The following STK32B variants were observed in gnomAD, a reference collection of about 807,000 sequenced individuals.
STK32B encodes the protein serine/threonine-protein kinase 32B.
A neutral mutation model predicts 52.6 loss-of-function variants in STK32B; 43 were observed. That is an observed-to-expected ratio of 0.82 (90% CI 0.64 to 1.05). The LOEUF is 1.05. STK32B is among the 50% of genes least tolerant of loss of function. STK32B has a pLI of 0.00. For missense variants in STK32B, 621 were observed against 534.6 expected (o/e 1.16, Z -1.59); for synonymous variants, 238 against 204.3 (o/e 1.17, Z -1.41).
In STK32B at chr4:5,469,324, G is replaced by C. The variant is rs1048665525; in HGVS notation, c.1106+1254G>C. Reference sequence around the variant, plus strand: ...AACAGCGCAGGAAACACGTGCTAAGGCCAAGGGCCACCCAGGGCAGTGCAT... The same window carrying C: ...AACAGCGCAGGAAACACGTGCTAAGCCCAAGGGCCACCCAGGGCAGTGCAT... On this transcript the variant is annotated intron_variant, in intron 11 of 11. Transcript: ENST00000282908. The surrounding 1 kb of genome is among the most constrained non-coding windows in gnomAD (Gnocchi z 4.7). Among the ~76,000 whole-genome samples, 26 of 152,228 alleles carry C rather than the reference G, an allele frequency of 1.7e-4. No homozygotes were observed. Among genetic ancestry groups the C allele is most frequent in the African/African-American group, 6.0e-4 (25 of 41,464 alleles).
chr4:5,308,128 C>G (rs1730050532), intron 3 of STK32B, among the ~76,000 whole-genome samples: 1 of 152,088 alleles, frequency 6.6e-6, no homozygotes, highest in African/African-American at 2.4e-5. Context: ...GTGTCGCTTT[C>G]AAGAGTGCAT....
intron 1 of STK32B, among the ~76,000 whole-genome samples, chr4:5,136,766 G>C (rs1230962518): frequency 6.6e-6 from 1 of 152,146 alleles, no homozygotes; most frequent in African/African-American, 2.4e-5. Context: ...CATCAACCAA[G>C]TGTTAACTTT....
chr4:5,085,482 A>T (rs1334538729), intron 1 of STK32B, among the ~76,000 whole-genome samples: 2 of 152,194 alleles, frequency 1.3e-5, no homozygotes, highest in Non-Finnish European at 2.9e-5. Context: ...TACTTCCCCC[A>T]TGGAACTGGT....
In STK32B at chr4:5,470,414, G is replaced by A. The variant is rs187171046; in HGVS notation, c.1106+2344G>A. Among the ~76,000 whole-genome samples, 1 of 152,304 alleles carries A rather than the reference G, an allele frequency of 6.6e-6. No individual in the cohort carries two copies. Among genetic ancestry groups the A allele is most frequent in the African/African-American group, 2.4e-5 (1 of 41,572 alleles). On this transcript the variant is annotated intron_variant, in intron 11 of 11. Coordinates refer to ENST00000282908, the MANE Select transcript of STK32B (RefSeq NM_018401.3). The surrounding 1 kb of genome is among the most constrained non-coding windows in gnomAD (Gnocchi z 4.6). ...CGTCATGTGTTCCTGACAATGGGGA[G>A]CCACAGAGAGCATGGCTATGGGGGA...
chr4:5,312,703 T>G (rs945676941), intron 3 of STK32B, among the ~76,000 whole-genome samples: 3 of 151,910 alleles, frequency 2.0e-5, no homozygotes, highest in Non-Finnish European at 4.4e-5. Context: ...ACATTTGGGT[T>G]GGTTCCAAGT....
At chr4:5,216,484 T>C (rs1429369252) in intron 3 of STK32B, among the ~76,000 whole-genome samples, 3 of 152,208 alleles carry the variant, frequency 2.0e-5, no homozygotes, top group Admixed American at 6.5e-5. Context: ...GGAGAACTTA[T>C]CTGGCATCAG....
intron 3 of STK32B, among the ~76,000 whole-genome samples, chr4:5,220,081 G>T (rs908750757): frequency 6.6e-6 from 1 of 152,174 alleles, no homozygotes; most frequent in Non-Finnish European, 1.5e-5. Flanking sequence ...AGGAAAAAAA[G>T]ACTGCAAACT....
intron 8 of STK32B, among the ~76,000 whole-genome samples, chr4:5,457,145 C>T (rs1716603814): frequency 6.6e-6 from 1 of 151,814 alleles, no homozygotes; most frequent in South Asian, 2.1e-4. Flanking sequence ...CCGCAAGCCC[C>T]TAGGCTCTTG....
intron 6 of STK32B, among the ~76,000 whole-genome samples, chr4:5,427,151 G>C (rs926455428): frequency 2.0e-5 from 3 of 152,162 alleles, no homozygotes; most frequent in African/African-American, 7.2e-5. Context: ...AATCTGTCGA[G>C]ATAATCCTGT....
intron 3 of STK32B, among the ~76,000 whole-genome samples, chr4:5,325,943 T>G (rs1731844757): frequency 6.6e-6 from 1 of 152,242 alleles, no homozygotes; most frequent in South Asian, 2.1e-4. Context: ...AGTAATAATA[T>G]TGAGTGTCTC....
At chr4:5,199,476 C>A (rs1005039886) in intron 3 of STK32B, among the ~76,000 whole-genome samples, 1 of 151,532 alleles carries the variant, frequency 6.6e-6, no homozygotes, top group South Asian at 2.1e-4. Flanking sequence ...CATTATAAAT[C>A]AGCTTTGTGA....
rs757896729 is a variant in STK32B at position 5,469,942 on chromosome 4, A to G, written c.1106+1872A>G. On this transcript the variant is annotated intron_variant, in intron 11 of 11. Coordinates refer to ENST00000282908, the MANE Select transcript of STK32B (RefSeq NM_018401.3). This position sits in a 1 kb window ranked among gnomAD's most constrained non-coding sequence, Gnocchi z 4.7. ...AACTTCTGCTCAAAGAGCATCAGTG[A>G]TCTTGGGCTCAGGCAGCCTTCATTC... Among the ~76,000 whole-genome samples, 5 of 152,104 alleles carry G rather than the reference A, an allele frequency of 3.3e-5. No homozygotes were observed. Among genetic ancestry groups the G allele is most frequent in the South Asian group, 2.1e-4 (1 of 4,804 alleles).
chr4:5,152,392 A>T (rs746998902), intron 2 of STK32B, among the ~76,000 whole-genome samples: 1 of 152,244 alleles, frequency 6.6e-6, no homozygotes, highest in Non-Finnish European at 1.5e-5. Flanking sequence ...GGCTCTGTTG[A>T]TAACTGTTCT....
At chr4:5,027,527 G>A in the STK32B span, among the ~76,000 whole-genome samples, 1 of 152,152 alleles carries the variant, frequency 6.6e-6, no homozygotes, top group African/African-American at 2.4e-5. Flanking sequence ...CCATGCAGCT[G>A]TGCAAATGTG....
chr4:5,340,235 A>G (rs1187752012), intron 4 of STK32B, among the ~76,000 whole-genome samples: 1 of 152,178 alleles, frequency 6.6e-6, no homozygotes, highest in Non-Finnish European at 1.5e-5. Context: ...GCAGCCAAGG[A>G]TGATGACCAT....
At chr4:5,427,127 A>C (rs1713173207) in intron 6 of STK32B, 1 of 152,190 alleles carries the variant, frequency 6.6e-6, no homozygotes, top group Non-Finnish European at 1.5e-5. Context: ...GAATTTGGTC[A>C]CATAGCATTT....
intron 1 of STK32B, among the ~76,000 whole-genome samples, chr4:5,121,597 C>T (rs977411248): frequency 6.6e-6 from 1 of 152,192 alleles, no homozygotes; most frequent in African/African-American, 2.4e-5. Context: ...CAAAGGATAA[C>T]AGCAGGCATA....
chr4:5,178,794 C>T (rs111565425), intron 3 of STK32B, among the ~76,000 whole-genome samples: 56 of 152,320 alleles, frequency 3.7e-4, no homozygotes, highest in African/African-American at 1.3e-3. Context: ...TCTGAGACTA[C>T]ATCAGCCTGG....
intron 3 of STK32B, among the ~76,000 whole-genome samples, chr4:5,249,505 C>G (rs10027678): frequency 8.6e-6 from 1 of 115,994 alleles, no homozygotes; most frequent in African/African-American, 3.9e-5. Context: ...CTTCCTTCCT[C>G]CCTCCCTTCC....
Sources: allele counts gnomAD v4.1 joint callset (sites outside exome capture counted in the v4.1 genomes callset), GRCh38; gene constraint gnomAD v4.1.1; non-coding constraint Gnocchi (gnomAD v3.1); transcripts MANE v1.5; gene names NCBI Gene and HGNC (gene_info 2026-07-23, HGNC 2026-07-21).